The following KRT38 variants were observed in gnomAD, a reference collection of about 807,000 sequenced individuals.
The protein encoded by KRT38 is keratin 38, also known as keratin, type I cuticular Ha8.
KRT38 carries 45 observed loss-of-function variants against 43.1 expected under a neutral mutation model. That is an observed-to-expected ratio of 1.04 (90% confidence interval 0.82 to 1.34). The LOEUF (loss-of-function observed/expected upper bound fraction) is 1.34. Among genes scored for constraint, KRT38 ranks in the 40% most tolerant of loss-of-function variants. The probability of loss-of-function intolerance (pLI) is 0.00; values close to 1 mark genes in which losing one functional copy is unlikely to be tolerated. For synonymous variants in KRT38, 258 were observed against 244.0 expected (o/e 1.06, Z -0.53); for missense variants, 627 against 586.2 (o/e 1.07, Z -0.72).
chr17:41,438,247 G>T lies in KRT38; in HGVS notation c.1087C>A (p.Gln363Lys). The T allele has an allele frequency of 6.2e-7, 1 of 1,614,176 alleles. No individual in the cohort carries two copies. The highest frequency in any genetic ancestry group is 2.2e-5 in the East Asian group (1 of 44,890). ...TCCTCCACGTTGCTGATGAGGCTCT[G>T]CATCTGGGCCAGCTCCGTGCCGAAG... ...DRFGTELAQM[Q>K]SLISNVEEQL... is the part of the protein sequence containing the mutation. Residue 363 changes from glutamine to lysine, a missense_variant, in exon 6 of 7, where the codon CAG becomes AAG. Gln to Lys is a moderately conservative substitution (Grantham distance 53). Transcript: ENST00000246646.
rs756159309 is a variant in KRT38 at position 41,438,841 on chromosome 17, C to G, written c.750G>C (p.Arg250Ser). ...TCCGGAGCTTCTCCCCCAGCTGACT[C>G]CTCAGAATCTTTACTTCCTGCAGAA... is the stretch of plus-strand genomic sequence containing the variant. The part of the protein sequence containing the change: ...SNHEQEVKIL[R>S]SQLGEKLRIE... The change falls in exon 4 of 7, where the codon AGG (arginine) becomes AGC (serine). Residue 250 changes from arginine to serine, a missense_variant. Arg to Ser is a moderately radical substitution (Grantham distance 110, BLOSUM62 -1). Coordinates refer to ENST00000246646, the MANE Select transcript of KRT38 (RefSeq NM_006771.4). 6.2e-7 allele frequency: 1 copy of G among 1,614,122 alleles called. No homozygotes were observed. The highest frequency in any genetic ancestry group is 8.5e-7 in the Non-Finnish European group (1 of 1,180,012).
chr17:41,440,220 A>G lies in KRT38; in HGVS notation c.516T>C (p.Asn172=). 6.2e-7 allele frequency: 1 copy of G among 1,614,240 alleles called. No individual in the cohort carries two copies. The highest frequency in any genetic ancestry group is 8.5e-7 in the Non-Finnish European group (1 of 1,180,048). Residue 172 remains asparagine, a synonymous_variant, in exon 2 of 7, where the codon AAT becomes AAC. Coordinates refer to ENST00000246646, the MANE Select transcript of KRT38 (RefSeq NM_006771.4). ...TGTCAATTTGTACAATCAGCCTGGC[A>G]TTCTCGGCCTTGCTGCACAGGATCT... The part of the protein sequence containing the change: ...QQKILCSKAE[N]ARLIVQIDNA...
Position 41,437,427 on chromosome 17 carries a change from G to C in KRT38, c.1356C>G (p.Thr452=). 1.9e-6 allele frequency: 3 copies of C among 1,566,952 alleles called. No homozygotes were observed. Among genetic ancestry groups the C allele is most frequent in the Non-Finnish European group, 2.6e-6 (3 of 1,160,972 alleles). Residue 452 remains threonine, a synonymous_variant, in exon 7 of 7, where the codon ACC becomes ACG. Coordinates refer to ENST00000246646, the MANE Select transcript of KRT38 (RefSeq NM_006771.4). ...TCGPTCGAST[T]GSRF is the part of the protein sequence containing the mutation. Reference sequence around the variant, plus strand: ...CCACAGGAATTCAGAATCGGCTTCCGGTGGTGCTGGCTCCACAGGTGGGCC... The same window carrying C: ...CCACAGGAATTCAGAATCGGCTTCCCGTGGTGCTGGCTCCACAGGTGGGCC...
chr17:41,438,903 C>G (rs745553037), intron 3 of KRT38, 45 bp from the exon 4 acceptor site: 1 of 1,603,168 alleles, frequency 6.2e-7, no homozygotes, highest in South Asian at 1.1e-5. Flanking sequence ...GAGGAAAGGG[C>G]CTTTGATGGA....
Position 41,436,642 on chromosome 17 carries a change from G to A in KRT38, c.*770C>T, listed in dbSNP as rs1319641517. The stretch of plus-strand genomic sequence containing the variant: ...AAGTCATTGTTTAGATTTTAGACTG[G>A]GAGAATTAGACAGGGACAGGGGTTA... On this transcript the variant is annotated 3_prime_UTR_variant, in exon 7 of 7. Transcript: ENST00000246646. The A allele has an allele frequency of 6.6e-6, 1 of 152,184 alleles. No homozygotes were observed. The highest frequency in any genetic ancestry group is 2.4e-5 in the African/African-American group (1 of 41,438). 9.4% of individuals were successfully genotyped at this position (152,184 alleles called of 1,614,324 possible).
At chr17:41,438,436 C>T in intron 5 of KRT38, 55 bp downstream of exon 5, 1 of 1,613,024 alleles carries the variant, frequency 6.2e-7, no homozygotes, top group East Asian at 2.2e-5. Context: ...AAATAAAATG[C>T]TACTAGGCCA....
chr17:41,440,149 C>G lies in KRT38; in HGVS notation c.575+12G>C. On this transcript the variant is annotated intron_variant, in intron 2 of 6. Transcript: ENST00000246646. ...GGAAGGAGTCACCCTGGCCCTCCTC[C>G]GCCTGACTTACTTGATCCTAAAGTC... The G allele has an allele frequency of 6.2e-7, 1 of 1,612,278 alleles. No homozygotes were observed. Among genetic ancestry groups the G allele is most frequent in the Non-Finnish European group, 8.5e-7 (1 of 1,178,392 alleles).
chr17:41,440,918 T>G lies in KRT38; in HGVS notation c.4A>C (p.Thr2Pro). 6.5e-7 allele frequency: 1 copy of G among 1,533,560 alleles called. No homozygotes were observed. The highest frequency in any genetic ancestry group is 8.7e-7 in the Non-Finnish European group (1 of 1,143,048). 95.0% of individuals were successfully genotyped at this position (1,533,560 alleles called of 1,614,324 possible). Residue 2 changes from threonine to proline, a missense_variant, in exon 1 of 7, where the codon ACC becomes CCC. Thr to Pro is a conservative substitution (Grantham distance 38, BLOSUM62 -1). Transcript: ENST00000246646. ...CATGAGGAGCTGCTGTAGGAAGAGG[T>G]CATGGTGTTGGGCTGAGGCTGCACA... Reference protein sequence around the residue: MTSSYSSSSCPL... With the variant: MPSSYSSSSCPL...
chr17:41,440,671 T>G lies in KRT38; in HGVS notation c.251A>C (p.His84Pro). The G allele has an allele frequency of 6.2e-7, 1 of 1,614,198 alleles. No individual in the cohort carries two copies. Among genetic ancestry groups the G allele is most frequent in the Non-Finnish European group, 8.5e-7 (1 of 1,180,040 alleles). ...ACAGATTCCAATGTTGCCAGGAATG[T>G]GGCAGGTCCCTGGCAAGGGACAAGC... Reference protein sequence around the residue: ...HTACPLPGTCHIPGNIGICGA... With the variant: ...HTACPLPGTCPIPGNIGICGA... The change falls in exon 1 of 7, where the codon CAC becomes CCC. Residue 84 changes from histidine to proline, a missense_variant. Coordinates refer to ENST00000246646, the MANE Select transcript of KRT38 (RefSeq NM_006771.4).
chr17:41,440,760 T>G lies in KRT38; in HGVS notation c.162A>C (p.Arg54=). ...CCAGGGGAGTGGACCCCACACGGAC[T>G]CGGTTGGCATGTGCCACGTTGGCCA... is the stretch of plus-strand genomic sequence containing the variant. The part of the protein sequence containing the change: ...CLLANVAHAN[R]VRVGSTPLGR... Residue 54 remains arginine (R), a synonymous_variant, in exon 1 of 7, where the codon CGA becomes CGC. Coordinates refer to ENST00000246646, the MANE Select transcript of KRT38 (RefSeq NM_006771.4). 1.9e-6 allele frequency: 3 copies of G among 1,613,614 alleles called. No individual in the cohort carries two copies. The highest frequency in any genetic ancestry group is 2.5e-6 in the Non-Finnish European group (3 of 1,179,704).
In KRT38 at chr17:41,438,286, C is replaced by A; in HGVS notation, c.1048G>T (p.Glu350Ter). 2 of 1,614,144 alleles carry A rather than the reference C, an allele frequency of 1.2e-6. No individual in the cohort carries two copies. Among genetic ancestry groups the A allele is most frequent in the Non-Finnish European group, 1.7e-6 (2 of 1,180,006 alleles). ...LKDCLQNSLC[E>*]AEDRFGTELA... ...TCCGTGCCGAAGCGGTCCTCGGCTT[C>A]ACACAGGGAGTTCTGCAGACAGTCC... Residue 350 changes from glutamate (E) to a stop codon, truncating the protein, a stop_gained, in exon 6 of 7, where the codon GAA becomes TAA. Transcript: ENST00000246646. LOFTEE classifies it high-confidence loss of function.
rs370748611 is a variant in KRT38 at position 41,440,589 on chromosome 17, C to T, written c.333G>A (p.Leu111=). 20 of 1,614,232 alleles carry T rather than the reference C, an allele frequency of 1.2e-5. No homozygotes were observed. The East Asian group carries it at 1.8e-4, about 14-fold the overall frequency. Reference sequence around the variant, plus strand: ...CCAGGTAGTTGGCCAGGCGGTCATTCAGGAACTGCATGGTCTCCTTCTCAT... The same window carrying T: ...CCAGGTAGTTGGCCAGGCGGTCATTTAGGAACTGCATGGTCTCCTTCTCAT... ...NGHEKETMQF[L]NDRLANYLEK... Residue 111 remains leucine (L), a synonymous_variant, in exon 1 of 7, where the codon CTG becomes CTA. Coordinates refer to ENST00000246646, the MANE Select transcript of KRT38 (RefSeq NM_006771.4).
In KRT38 at chr17:41,438,684, C is replaced by CG. The variant is rs777992719; in HGVS notation, c.894+12_894+13insC. Reference sequence around the variant, plus strand: ...GGCCAGGTACCCCCTGGTTCTATACCCCCCCCACTCACCTGGGCTTGGAAC... The same window carrying CG: ...GGCCAGGTACCCCCTGGTTCTATACCGCCCCCCACTCACCTGGGCTTGGAAC... On this transcript the variant is annotated intron_variant, in intron 4 of 6. Coordinates refer to ENST00000246646, the MANE Select transcript of KRT38 (RefSeq NM_006771.4). The CG allele has an allele frequency of 4.7e-6, 7 of 1,475,556 alleles. No homozygotes were observed. The highest frequency in any genetic ancestry group is 6.3e-6 in the Non-Finnish European group (7 of 1,109,394). The allele number at this position is 1,475,556 out of a possible 1,614,324, so 91.4% of individuals were successfully genotyped here. A position where few individuals can be genotyped will look rare whatever the true frequency, so the allele number is the denominator to read the frequency against.
chr17:41,438,831 C>G lies in KRT38; in HGVS notation c.760G>C (p.Gly254Arg), dbSNP rs2144419554. 6.2e-7 allele frequency: 1 copy of G among 1,614,192 alleles called. No homozygotes were observed. The highest frequency in any genetic ancestry group is 2.2e-5 in the East Asian group (1 of 44,874). Reference protein sequence around the residue: ...QEVKILRSQLGEKLRIELDIE... With the variant: ...QEVKILRSQLREKLRIELDIE... ...TCCAGCTCAATCCGGAGCTTCTCCCCCAGCTGACTCCTCAGAATCTTTACT... is the reference window on the plus strand; with the variant it reads ...TCCAGCTCAATCCGGAGCTTCTCCCGCAGCTGACTCCTCAGAATCTTTACT... The change falls in exon 4 of 7, where the codon GGG (glycine) becomes CGG (arginine). Residue 254 changes from glycine to arginine, a missense_variant. Physicochemically the swap from Gly to Arg is moderately radical, Grantham distance 125 (BLOSUM62 -2). Transcript: ENST00000246646.
chr17:41,438,671 C>G (rs1188635002), intron 4 of KRT38, 26 bp downstream of exon 4: 1 of 1,560,506 alleles, frequency 6.4e-7, no homozygotes, highest in South Asian at 1.1e-5. Context: ...CCAGGTACCC[C>G]CTGGTTCTAT....
chr17:41,437,492 AG>A lies in KRT38; in HGVS notation c.1290del (p.Cys431ValfsTer50). ...CSTSPSCVTA[P>X]CAPRPSCGPC... ...GGGCCACAGCTTGGGCGAGGAGCACAGGGGGCAGTCACGCAGGAGGGAGACG... is the reference window on the plus strand; with the variant it reads ...GGGCCACAGCTTGGGCGAGGAGCACAGGGGCAGTCACGCAGGAGGGAGACG... On this transcript the variant is annotated frameshift_variant, in exon 7 of 7. Coordinates refer to ENST00000246646, the MANE Select transcript of KRT38 (RefSeq NM_006771.4). LOFTEE classifies it low-confidence loss of function (END_TRUNC). 3 of 1,560,974 alleles carry A rather than the reference AG, an allele frequency of 1.9e-6. No homozygotes were observed. Among genetic ancestry groups the A allele is most frequent in the South Asian group, 1.2e-5 (1 of 83,844 alleles).
At chr17:41,440,099 A>G in intron 2 of KRT38, 62 bp downstream of exon 2, 1 of 1,300,372 alleles carries the variant, frequency 7.7e-7, no homozygotes. Context: ...CTCAACAAGT[A>G]TTTGGGCATT....
rs778554026 is a variant in KRT38, at chr17:41,438,268, C to G, written c.1066G>C (p.Gly356Arg). ...NSLCEAEDRF[G>R]TELAQMQSLI... Reference sequence around the variant, plus strand: ...CTCTGCATCTGGGCCAGCTCCGTGCCGAAGCGGTCCTCGGCTTCACACAGG... The same window carrying G: ...CTCTGCATCTGGGCCAGCTCCGTGCGGAAGCGGTCCTCGGCTTCACACAGG... The change falls in exon 6 of 7, where the codon GGC becomes CGC. Residue 356 changes from glycine to arginine, a missense_variant. Transcript: ENST00000246646. The G allele has an allele frequency of 3.1e-6, 5 of 1,614,042 alleles. No homozygotes were observed. The highest frequency in any genetic ancestry group is 4.2e-6 in the Non-Finnish European group (5 of 1,180,026).
Position 41,437,455 on chromosome 17 carries a change from C to T in KRT38, c.1328G>A (p.Cys443Tyr). 1.3e-6 allele frequency: 2 copies of T among 1,561,624 alleles called. No individual in the cohort carries two copies. Among genetic ancestry groups the T allele is most frequent in the Non-Finnish European group, 1.7e-6 (2 of 1,160,472 alleles). ...PRPSCGPCTTCGPTCGASTTG... is the reference protein window; with the variant it reads ...PRPSCGPCTTYGPTCGASTTG... ...GGTGCTGGCTCCACAGGTGGGCCCA[C>T]AGGTGGTGCAGGGGCCACAGCTTGG... Residue 443 changes from cysteine to tyrosine, a missense_variant, in exon 7 of 7, where the codon TGT becomes TAT. Physicochemically the swap from Cys to Tyr is radical, Grantham distance 194 (BLOSUM62 -2). Transcript: ENST00000246646.
Sources: gnomAD v4.1 joint callset for allele counts on GRCh38, gnomAD v4.1.1 for gene constraint, MANE v1.5 for transcripts, NCBI Gene and HGNC (gene_info 2026-07-23, HGNC 2026-07-21) for gene names.